The following RP1 variants were observed in gnomAD, a reference collection of about 807,000 sequenced individuals.
The protein encoded by RP1 is oxygen-regulated protein 1.
A neutral mutation model predicts 14.8 loss-of-function variants in RP1; 16 were observed. The observed-to-expected ratio is 1.08, with a 90% CI of 0.73 to 1.65. RP1 has a LOEUF of 1.65. Ranked by LOEUF, RP1 falls within the 40% of genes most tolerant of loss-of-function variation. The pLI, the probability that RP1 is intolerant of heterozygous loss-of-function variation, is 0.00. For synonymous variants in RP1, 876 were observed against 883.6 expected, an observed-to-expected ratio of 0.99 and a Z score of 0.15; for missense variants, 2,631 against 2,535.0, an observed-to-expected ratio of 1.04 and a Z score of -0.81.
At chr8:54,750,948 C>A (rs183149420) in intron 19 of RP1, among the ~76,000 whole-genome samples, 38 of 152,312 alleles carry the variant, frequency 2.5e-4, no homozygotes, top group Non-Finnish European at 4.3e-4. Context: ...GCCACGCCAG[C>A]CAGCGGTGGC....
At chr8:54,770,099 T>G, downstream of RP1, 1 of 402,696 alleles carries the variant, frequency 2.5e-6, no homozygotes, top group Non-Finnish European at 4.4e-6. Flanking sequence ...TGTTATTAAC[T>G]GCACTTCACT....
At chr8:54,728,799 A>G (rs1808722749) in intron 17 of RP1, among the ~76,000 whole-genome samples, 1 of 152,126 alleles carries the variant, frequency 6.6e-6, no homozygotes, top group South Asian at 2.1e-4. Flanking sequence ...TTTTTTTAGA[A>G]TAATCTTTTT....
intron 22 of RP1, among the ~76,000 whole-genome samples, chr8:54,768,108 A>G (rs888829029): frequency 1.3e-5 from 2 of 152,110 alleles, no homozygotes; most frequent in Non-Finnish European, 2.9e-5. Context: ...CCGCTACCCC[A>G]TCTTGTCCAG....
chr8:54,644,513 C>G (rs765301258), intron 3 of RP1, among the ~76,000 whole-genome samples: 12 of 152,170 alleles, frequency 7.9e-5, no homozygotes, highest in Non-Finnish European at 1.6e-4. Flanking sequence ...ACAGATCTTT[C>G]CTTGGTAACT....
At chr8:54,693,250 G>A (rs1351502036) in intron 12 of RP1, among the ~76,000 whole-genome samples, 6 of 152,132 alleles carry the variant, frequency 3.9e-5, no homozygotes, top group East Asian at 3.9e-4. Context: ...GTCAGGTAGT[G>A]TGATGCCTCC....
intron 6 of RP1, among the ~76,000 whole-genome samples, chr8:54,658,550 C>CA (rs755052184): frequency 0.62 from 50,805 of 81,574 alleles, 15,491 homozygotes; most frequent in Middle Eastern, 0.71. Context: ...GACTCCGTCT[C>CA]AAAAAAAAAA....
intron 6 of RP1, among the ~76,000 whole-genome samples, chr8:54,662,086 G>A (rs776379057): frequency 5.9e-5 from 9 of 152,004 alleles, no homozygotes; most frequent in East Asian, 3.9e-4. Flanking sequence ...ATCAGTACCC[G>A]TGTCATCTCA....
chr8:54,728,317 AG>A (rs1365125445), intron 17 of RP1, among the ~76,000 whole-genome samples: 1 of 152,178 alleles, frequency 6.6e-6, no homozygotes, highest in African/African-American at 2.4e-5. Flanking sequence ...GCTTCTTGCA[AG>A]AAATACCTTC....
chr8:54,709,648 C>T (rs1808248776), intron 15 of RP1, among the ~76,000 whole-genome samples: 1 of 152,136 alleles, frequency 6.6e-6, no homozygotes, highest in Non-Finnish European at 1.5e-5. Context: ...ATATACAGAA[C>T]ATTAAAATAA....
chr8:54,615,112 T>C (rs770705581), upstream of RP1, among the ~76,000 whole-genome samples: 11 of 152,202 alleles, frequency 7.2e-5, no homozygotes, highest in Non-Finnish European at 1.3e-4. Flanking sequence ...TAATTATAAA[T>C]GGAGGTTTGT....
chr8:54,656,341 C>A, intron 6 of RP1: 1 of 947,532 alleles, frequency 1.1e-6, no homozygotes, highest in Non-Finnish European at 1.5e-6. Context: ...TTATCACTTA[C>A]CTCTCTGATG....
intron 17 of RP1, among the ~76,000 whole-genome samples, chr8:54,734,001 C>T (rs1808852965): frequency 6.6e-6 from 1 of 152,166 alleles, no homozygotes; most frequent in African/African-American, 2.4e-5. Flanking sequence ...ACCTCAGGAA[C>T]CATTTGTATG....
chr8:54,803,207 C>T lies in RP1; in HGVS notation c.3615+19497C>T, dbSNP rs79056057. On this transcript the variant is annotated intron_variant, in intron 24 of 28. Transcript: ENST00000637698. ...TCAGTTTGTTTTTCAAATGAATTTT[C>T]GTAGCTACTTTTGGAGTCCATGTGA... is the stretch of plus-strand genomic sequence containing the variant. Among the ~76,000 whole-genome samples the T allele has an allele frequency of 6.4e-3, 981 of 152,194 alleles. 16 individuals carry two copies. The highest frequency in any genetic ancestry group is 0.023 in the African/African-American group (946 of 41,546).
At chr8:54,815,863 G>T (rs1390910500) in intron 24 of RP1, among the ~76,000 whole-genome samples, 2 of 152,166 alleles carry the variant, frequency 1.3e-5, no homozygotes, top group Non-Finnish European at 2.9e-5. Flanking sequence ...TTATAATGGG[G>T]ATTAACTTAT....
chr8:54,755,071 T>C (rs1809467737), intron 20 of RP1: 1 of 903,830 alleles, frequency 1.1e-6, no homozygotes, highest in Non-Finnish European at 1.5e-6. Context: ...GAGAAGTGAC[T>C]TTTTTAATGT....
intron 19 of RP1, among the ~76,000 whole-genome samples, chr8:54,753,267 C>T (rs935689193): frequency 2.0e-5 from 3 of 152,182 alleles, no homozygotes; most frequent in Non-Finnish European, 4.4e-5. Context: ...GACAAATACC[C>T]ATTTCACGTA....
chr8:54,686,871 T>A (rs1807575735), intron 12 of RP1, among the ~76,000 whole-genome samples: 1 of 152,082 alleles, frequency 6.6e-6, no homozygotes, highest in East Asian at 1.9e-4. Flanking sequence ...ATTTATAATC[T>A]GGATTTGGAT....
In RP1 at chr8:54,625,562, G is replaced by A; in HGVS notation, c.1680G>A (p.Met560Ile). Residue 560 changes from methionine to isoleucine, a missense_variant, in exon 4 of 4, where the codon ATG becomes ATA. Transcript: ENST00000220676. Reference sequence around the variant, plus strand: ...TTACAAGTCAGAAGATGTTAGAGATGTCACATAATAATGGTTTGCCATCAA... The same window carrying A: ...TTACAAGTCAGAAGATGTTAGAGATATCACATAATAATGGTTTGCCATCAA... ...IEITSQKMLE[M>I]SHNNGLPSTI... 1.9e-6 allele frequency: 3 copies of A among 1,614,050 alleles called. No homozygotes were observed. The highest frequency in any genetic ancestry group is 2.5e-6 in the Non-Finnish European group (3 of 1,180,006).
rs1168262265 is a variant in RP1, at chr8:54,628,822, T to C, written c.4940T>C (p.Phe1647Ser). The C allele has an allele frequency of 1.2e-6, 2 of 1,614,040 alleles. No homozygotes were observed. The highest frequency in any genetic ancestry group is 1.7e-5 in the Admixed American group (1 of 59,998). ...GCAGATATTATCAAACCATCTTTTT[T>C]TCCTGGGTCTACCCGCAAATCTCAG... ...GKADIIKPSF[F>S]PGSTRKSQVC... is the part of the protein sequence containing the mutation. Residue 1647 changes from phenylalanine (F) to serine (S), a missense_variant, in exon 4 of 4, where the codon TTT (phenylalanine) becomes TCT (serine). Phe to Ser is a radical substitution (Grantham distance 155). Coordinates refer to ENST00000220676, the MANE Select transcript of RP1 (RefSeq NM_006269.2).
Sources: gnomAD v4.1 joint callset for allele counts (sites outside exome capture counted in the v4.1 genomes callset) on GRCh38, gnomAD v4.1.1 for gene constraint, MANE v1.5 for transcripts, NCBI Gene and HGNC (gene_info 2026-07-23, HGNC 2026-07-21) for gene names.